The following LOC728392 variants were observed in gnomAD, a reference collection of about 807,000 sequenced individuals.
At chr17:5,500,524 A>G in the LOC728392 span, 12 of 1,198,638 alleles carry the variant, frequency 1.0e-5, no homozygotes, top group Non-Finnish European at 1.3e-5. The surrounding 1 kb of genome is among the most constrained non-coding windows in gnomAD (Gnocchi z 5.4). Flanking sequence ...GTTCTAAAAC[A>G]CAAAATGCCG....
chr17:5,499,541 T>C, the LOC728392 span: 1 of 154,120 alleles, frequency 6.5e-6, no homozygotes, highest in Non-Finnish European at 1.4e-5. Context: ...ACATTTAACA[T>C]TCATGAGTAA....
chr17:5,500,499 AG>A, the LOC728392 span: 3 of 1,165,774 alleles, frequency 2.6e-6, no homozygotes, highest in African/African-American at 3.4e-5. The surrounding 1 kb of genome is among the most constrained non-coding windows in gnomAD (Gnocchi z 5.4). Flanking sequence ...AGCTACATGA[AG>A]GGGGTGCAGC....
the LOC728392 span, chr17:5,500,869 G>A: frequency 1.6e-6 from 2 of 1,245,568 alleles, no homozygotes; most frequent in Admixed American, 2.7e-5. This position sits in a 1 kb window ranked among gnomAD's most constrained non-coding sequence, Gnocchi z 5.4. Flanking sequence ...TCTTCCGGGG[G>A]AGGCTTGTCA....
At chr17:5,500,707 C>A in the LOC728392 span, 3 of 1,254,518 alleles carry the variant, frequency 2.4e-6, no homozygotes, top group Non-Finnish European at 3.1e-6. The surrounding 1 kb of genome is among the most constrained non-coding windows in gnomAD (Gnocchi z 5.4). Context: ...TAGCAGCCCT[C>A]GTCCAGTGGA....
At chr17:5,500,200 G>A in the LOC728392 span, 3 of 987,774 alleles carry the variant, frequency 3.0e-6, no homozygotes, top group African/African-American at 1.7e-5. This position sits in a 1 kb window ranked among gnomAD's most constrained non-coding sequence, Gnocchi z 5.4. Flanking sequence ...GAAGGCCGCG[G>A]GTCTGGGTCT....
chr17:5,500,338 G>C, the LOC728392 span: 5 of 1,047,632 alleles, frequency 4.8e-6, no homozygotes, highest in Non-Finnish European at 5.8e-6. This position sits in a 1 kb window ranked among gnomAD's most constrained non-coding sequence, Gnocchi z 5.4. Context: ...ATTATAAACG[G>C]GGCTCAATCA....
the LOC728392 span, chr17:5,500,894 C>G: frequency 1.6e-6 from 2 of 1,259,704 alleles, no homozygotes; most frequent in Non-Finnish European, 2.1e-6. The surrounding 1 kb of genome is among the most constrained non-coding windows in gnomAD (Gnocchi z 5.4). Context: ...GGCCTTCGGA[C>G]TCGGGGTCCG....
At chr17:5,500,781 T>C in the LOC728392 span, 2 of 1,177,764 alleles carry the variant, frequency 1.7e-6, no homozygotes, top group Non-Finnish European at 2.1e-6. The surrounding 1 kb of genome is among the most constrained non-coding windows in gnomAD (Gnocchi z 5.4). Context: ...GCGGCCCCCC[T>C]GCGCCCTCCC....
chr17:5,499,940 G>A, the LOC728392 span: 2 of 985,972 alleles, frequency 2.0e-6, no homozygotes, highest in Non-Finnish European at 2.4e-6. Flanking sequence ...TCCGGGCAGC[G>A]ACAACAAAGT....
chr17:5,500,478 C>A, the LOC728392 span: 1 of 1,151,408 alleles, frequency 8.7e-7, no homozygotes, highest in Middle Eastern at 3.9e-4. This position sits in a 1 kb window ranked among gnomAD's most constrained non-coding sequence, Gnocchi z 5.4. Context: ...CGGAAAGAAA[C>A]AAGCATCGAA....
the LOC728392 span, chr17:5,500,728 T>C: frequency 5.6e-6 from 7 of 1,240,460 alleles, no homozygotes; most frequent in East Asian, 5.7e-4. This position sits in a 1 kb window ranked among gnomAD's most constrained non-coding sequence, Gnocchi z 5.4. Context: ...GGCGCCTCCT[T>C]CTTGGGCGGG....
chr17:5,499,723 C>T, the LOC728392 span: 6 of 970,414 alleles, frequency 6.2e-6, no homozygotes, highest in South Asian at 9.5e-5. Flanking sequence ...AGAAGTGAGC[C>T]GGGCCAGAAC....
the LOC728392 span, chr17:5,499,933 G>A: frequency 1.0e-5 from 10 of 985,848 alleles, no homozygotes; most frequent in Admixed American, 1.2e-4. Context: ...CGACTCCTCC[G>A]GGCAGCGACA....
At chr17:5,500,982 A>C in the LOC728392 span, 2 of 1,231,282 alleles carry the variant, frequency 1.6e-6, no homozygotes, top group Non-Finnish European at 2.1e-6. This position sits in a 1 kb window ranked among gnomAD's most constrained non-coding sequence, Gnocchi z 5.4. Context: ...TAGGTGGGTC[A>C]GCCGGGTCTG....
the LOC728392 span, chr17:5,500,478 C>G: frequency 8.7e-7 from 1 of 1,151,408 alleles, no homozygotes; most frequent in Non-Finnish European, 1.1e-6. The surrounding 1 kb of genome is among the most constrained non-coding windows in gnomAD (Gnocchi z 5.4). Flanking sequence ...CGGAAAGAAA[C>G]AAGCATCGAA....
chr17:5,500,958 G>A, the LOC728392 span: 4 of 1,247,208 alleles, frequency 3.2e-6, no homozygotes, highest in East Asian at 8.6e-5. This position sits in a 1 kb window ranked among gnomAD's most constrained non-coding sequence, Gnocchi z 5.4. Context: ...GTCAGCCATG[G>A]GCAGGATCGC....
the LOC728392 span, chr17:5,500,052 G>T: frequency 3.0e-6 from 3 of 986,126 alleles, no homozygotes; most frequent in Non-Finnish European, 3.6e-6. This position sits in a 1 kb window ranked among gnomAD's most constrained non-coding sequence, Gnocchi z 5.4. Context: ...CTCCAGCTTC[G>T]CCTGCTGCGC....
chr17:5,500,890 C>T, the LOC728392 span: 5 of 1,259,236 alleles, frequency 4.0e-6, no homozygotes, highest in Non-Finnish European at 4.1e-6. The surrounding 1 kb of genome is among the most constrained non-coding windows in gnomAD (Gnocchi z 5.4). Context: ...AACAGGCCTT[C>T]GGACTCGGGG....
the LOC728392 span, chr17:5,500,938 G>C: frequency 5.7e-5 from 72 of 1,256,420 alleles, no homozygotes; most frequent in East Asian, 2.3e-3. This position sits in a 1 kb window ranked among gnomAD's most constrained non-coding sequence, Gnocchi z 5.4. Context: ...GGTCTGCGCC[G>C]AAAGAGCCCG....
Sources: gnomAD v4.1 joint callset for allele counts on GRCh38, gnomAD v4.1.1 for gene constraint, Gnocchi (gnomAD v3.1) non-coding constraint, MANE v1.5 for transcripts.